Variants in HS3ST3A1 observed in about 807,000 individuals in gnomAD.
HS3ST3A1 encodes the protein heparan sulfate glucosamine 3-O-sulfotransferase 3A1.
Under a neutral mutation model 25.7 loss-of-function variants are expected in HS3ST3A1, and 19 were observed. The ratio of observed to expected loss-of-function variants is 0.74; its 90% CI spans 0.52 to 1.08. The LOEUF (loss-of-function observed/expected upper bound fraction) is 1.08. HS3ST3A1 is among the 50% of genes least tolerant of loss of function. The pLI, the probability that HS3ST3A1 is intolerant of heterozygous loss-of-function variation, is 0.00. For synonymous variants in HS3ST3A1, 226 were observed against 278.6 expected (o/e 0.81, Z 1.88); for missense variants, 459 against 594.3 (o/e 0.77, Z 2.37).
intron 1 of HS3ST3A1, among the ~76,000 whole-genome samples, chr17:13,524,150 T>A (rs1209336978): frequency 6.6e-6 from 1 of 152,224 alleles, no homozygotes; most frequent in Non-Finnish European, 1.5e-5. Flanking sequence ...TCACAGAGTA[T>A]GAGTTTGTGG....
intron 1 of HS3ST3A1, among the ~76,000 whole-genome samples, chr17:13,547,905 C>G (rs1424841083): frequency 7.2e-6 from 1 of 138,074 alleles, no homozygotes; most frequent in Non-Finnish European, 1.5e-5. Flanking sequence ...TGAACACCTA[C>G]TTGGTGTCTG....
chr17:13,563,396 G>C (rs1907596985), intron 1 of HS3ST3A1, among the ~76,000 whole-genome samples: 1 of 152,094 alleles, frequency 6.6e-6, no homozygotes, highest in Non-Finnish European at 1.5e-5. Context: ...TACCAATGTT[G>C]CATTTATTTC....
At chr17:13,536,095 T>A (rs1339471925) in intron 1 of HS3ST3A1, among the ~76,000 whole-genome samples, 1 of 152,194 alleles carries the variant, frequency 6.6e-6, no homozygotes, top group African/African-American at 2.4e-5. Flanking sequence ...TTAGCGATAC[T>A]TTTATGGTTA....
intron 1 of HS3ST3A1, among the ~76,000 whole-genome samples, chr17:13,518,844 A>C (rs1906135315): frequency 6.6e-6 from 1 of 152,232 alleles, no homozygotes; most frequent in South Asian, 2.1e-4. Context: ...GTCGACCCAC[A>C]GCTGACCACA....
chr17:13,497,517 G>A (rs1311326181), intron 1 of HS3ST3A1, among the ~76,000 whole-genome samples: 1 of 152,176 alleles, frequency 6.6e-6, no homozygotes, highest in Non-Finnish European at 1.5e-5. Context: ...TGTCCTTGAT[G>A]ATTCTGGTCC....
intron 1 of HS3ST3A1, among the ~76,000 whole-genome samples, chr17:13,519,560 T>C (rs1906162546): frequency 6.6e-6 from 1 of 152,158 alleles, no homozygotes; most frequent in African/African-American, 2.4e-5. Flanking sequence ...ATGATGATGA[T>C]GATGATGGTG....
In HS3ST3A1 at chr17:13,523,134, G is replaced by A. The variant is rs114782253; in HGVS notation, c.600-26316C>T. Among the ~76,000 whole-genome samples the A allele has an allele frequency of 8.8e-3, 1,339 of 152,236 alleles. 23 individuals carry two copies. The highest frequency in any genetic ancestry group is 0.031 in the African/African-American group (1,279 of 41,536). On this transcript the variant is annotated intron_variant, in intron 1 of 1. Transcript: ENST00000284110. The stretch of plus-strand genomic sequence containing the variant: ...TAGGTCTCAAGAGTCCAGCATCTGA[G>A]ACTCTAGGATCAAGCTAAAGACAAA...
At chr17:13,581,721 A>T (rs535432833) in intron 1 of HS3ST3A1, among the ~76,000 whole-genome samples, 49 of 152,306 alleles carry the variant, frequency 3.2e-4, no homozygotes, top group African/African-American at 1.2e-3. Context: ...ACATGATTTG[A>T]TGACTAGAAT....
Position 13,526,472 on chromosome 17 carries a change from TTTTATATATATATA to T in HS3ST3A1, c.600-29668_600-29655del, listed in dbSNP as rs1396047771. On this transcript the variant is annotated intron_variant, in intron 1 of 1. Coordinates refer to ENST00000284110, the MANE Select transcript of HS3ST3A1 (RefSeq NM_006042.3). ...TATTGAACTTGGATACAACTTTAATTTTTATATATATATATATATATATATATATATATATATAT... is the reference window on the plus strand; with the variant it reads ...TATTGAACTTGGATACAACTTTAATTTATATATATATATATATATATATAT... 6.8e-3 allele frequency among the ~76,000 whole-genome samples: 395 copies of T among 58,362 alleles called. 5 individuals are homozygous for T. The highest frequency in any genetic ancestry group is 0.022 in the African/African-American group (354 of 16,222). The allele number at this position is 58,362 out of a possible 152,430, so 38.3% of individuals were successfully genotyped here.
intron 1 of HS3ST3A1, among the ~76,000 whole-genome samples, chr17:13,504,643 A>C (rs1905598333): frequency 6.6e-6 from 1 of 152,240 alleles, no homozygotes; most frequent in South Asian, 2.1e-4. Flanking sequence ...ACTTGAATAA[A>C]GATTTTACTA....
intron 1 of HS3ST3A1, among the ~76,000 whole-genome samples, chr17:13,532,784 C>T (rs1237081140): frequency 2.6e-5 from 4 of 151,820 alleles, no homozygotes; most frequent in Non-Finnish European, 5.9e-5. Flanking sequence ...GATTCAGGTT[C>T]TGGTGTTTTT....
intron 1 of HS3ST3A1, among the ~76,000 whole-genome samples, chr17:13,586,207 C>T (rs771961275): frequency 6.6e-6 from 1 of 152,046 alleles, no homozygotes; most frequent in Non-Finnish European, 1.5e-5. Flanking sequence ...TTTCCTCCTC[C>T]TTTTCGCATG....
rs146975725 is a variant in HS3ST3A1, at chr17:13,601,075, G to C, written c.55C>G (p.Arg19Gly). The change falls in exon 1 of 2, where the codon CGC becomes GGC. Residue 19 changes from arginine to glycine, a missense_variant. Physicochemically the swap from Arg to Gly is moderately radical, Grantham distance 125. This residue lies in a region of HS3ST3A1 where 346 missense variants were observed against 303.9 expected (regional missense o/e 1.14). Coordinates refer to ENST00000284110, the MANE Select transcript of HS3ST3A1 (RefSeq NM_006042.3). ...AGCAAGAACTTCCGGAAGATGCTGC[G>C]GGACAGCGGCTCGGCCGAGGTGGAG... ...ALSTSAEPLSRSIFRKFLLML... is the reference protein window; with the variant it reads ...ALSTSAEPLSGSIFRKFLLML... The C allele has an allele frequency of 1.0e-5, 16 of 1,597,630 alleles. No individual in the cohort carries two copies. The African/African-American group carries it at 1.8e-4, about 18-fold the overall frequency.
At chr17:13,529,468 A>G (rs180730036) in intron 1 of HS3ST3A1, among the ~76,000 whole-genome samples, 1 of 152,344 alleles carries the variant, frequency 6.6e-6, no homozygotes, top group East Asian at 1.9e-4. Flanking sequence ...AAAAAAAATT[A>G]CCAAACTGCA....
At chr17:13,505,479 A>G (rs1042466050) in intron 1 of HS3ST3A1, among the ~76,000 whole-genome samples, 9 of 152,114 alleles carry the variant, frequency 5.9e-5, no homozygotes, top group African/African-American at 2.2e-4. Flanking sequence ...CAGGTGGTTT[A>G]ATACTTTAGG....
intron 1 of HS3ST3A1, among the ~76,000 whole-genome samples, chr17:13,534,422 G>C (rs2142335739): frequency 6.6e-6 from 1 of 151,810 alleles, no homozygotes; most frequent in South Asian, 2.1e-4. Flanking sequence ...AGTTGCTGCA[G>C]TCCAGGTGTG....
At chr17:13,575,273 T>A (rs1387253472) in intron 1 of HS3ST3A1, among the ~76,000 whole-genome samples, 1 of 152,224 alleles carries the variant, frequency 6.6e-6, no homozygotes, top group African/African-American at 2.4e-5. Context: ...GGAAAAAGCA[T>A]CTTTTAGGTT....
chr17:13,508,275 C>T (rs1905750491), intron 1 of HS3ST3A1, among the ~76,000 whole-genome samples: 1 of 152,204 alleles, frequency 6.6e-6, no homozygotes, highest in Admixed American at 6.5e-5. Context: ...CCAAAGCTTA[C>T]TTCAAGAAAA....
intron 1 of HS3ST3A1, among the ~76,000 whole-genome samples, chr17:13,557,886 A>G (rs1042558511): frequency 2.0e-5 from 3 of 152,242 alleles, no homozygotes; most frequent in African/African-American, 7.2e-5. Flanking sequence ...AAAATTGCTG[A>G]AAAGGGACAA....
Sources: gnomAD v4.1 joint callset for allele counts (sites outside exome capture counted in the v4.1 genomes callset) on GRCh38, gnomAD v4.1.1 for gene constraint, gnomAD v4.1.1 regional missense constraint, MANE v1.5 for transcripts, NCBI Gene and HGNC (gene_info 2026-07-23, HGNC 2026-07-21) for gene names.